SRFBP1: variants seen among roughly 807,000 people sequenced by gnomAD.
SRFBP1 encodes serum response factor-binding protein 1.
A neutral mutation model predicts 45.5 loss-of-function variants in SRFBP1; 47 were observed. The observed-to-expected ratio is 1.03, with a 90% CI of 0.82 to 1.32. The LOEUF (loss-of-function observed/expected upper bound fraction) is 1.32. Among genes scored for constraint, SRFBP1 ranks in the 40% most tolerant of loss-of-function variants. The pLI, the probability that SRFBP1 is intolerant of heterozygous loss-of-function variation, is 0.00. For synonymous variants in SRFBP1, 203 were observed against 166.3 expected (o/e 1.22, Z -1.70); for missense variants, 621 against 484.6 (o/e 1.28, Z -2.64).
At chr5:121,995,160 G>A (rs7722911) in intron 4 of SRFBP1, among the ~76,000 whole-genome samples, 103,868 of 150,676 alleles carry the variant, frequency 0.69, 39,003 homozygotes, top group East Asian at 0.89. Context: ...TGCACCAAGC[G>A]GACCTAATAG....
chr5:122,024,599 A>G (rs774402984), intron 7 of SRFBP1, among the ~76,000 whole-genome samples: 9 of 152,206 alleles, frequency 5.9e-5, no homozygotes, highest in Non-Finnish European at 1.2e-4. Context: ...TTTATTGGCC[A>G]TAACTCAATT....
At chr5:122,074,417 A>G (rs1304802000) in intron 2 of SRFBP1, among the ~76,000 whole-genome samples, 2 of 152,102 alleles carry the variant, frequency 1.3e-5, no homozygotes, top group East Asian at 1.9e-4. Flanking sequence ...TTCTTATTGT[A>G]CCCCATTTTG....
At chr5:121,963,527 C>A (rs940580585) in intron 1 of SRFBP1, among the ~76,000 whole-genome samples, 1 of 152,108 alleles carries the variant, frequency 6.6e-6, no homozygotes, top group Non-Finnish European at 1.5e-5. Flanking sequence ...AGACTCTTTT[C>A]ACACTTAGCT....
At chr5:122,041,022 C>G (rs1017089806) in intron 2 of SRFBP1, among the ~76,000 whole-genome samples, 3 of 152,128 alleles carry the variant, frequency 2.0e-5, no homozygotes, top group South Asian at 4.1e-4. Flanking sequence ...CAATTTTGAA[C>G]AGTGGTTGAT....
intron 2 of SRFBP1, among the ~76,000 whole-genome samples, chr5:122,050,259 A>G (rs1753946354): frequency 1.3e-5 from 2 of 152,296 alleles, no homozygotes; most frequent in Non-Finnish European, 2.9e-5. Context: ...TTAGCCTCAT[A>G]TAATGAGCTG....
chr5:122,025,071 A>G (rs1485545717), intron 7 of SRFBP1, among the ~76,000 whole-genome samples: 5 of 152,020 alleles, frequency 3.3e-5, no homozygotes, highest in African/African-American at 4.8e-5. Flanking sequence ...TTAACTCGTC[A>G]TTTACCATTA....
chr5:122,046,796 A>G (rs1467840323), intron 2 of SRFBP1, among the ~76,000 whole-genome samples: 4 of 152,224 alleles, frequency 2.6e-5, no homozygotes, highest in Non-Finnish European at 5.9e-5. Context: ...TCTGATGGCC[A>G]GTGATGATGA....
chr5:122,076,887 C>T (rs41478244), downstream of SRFBP1: 1,705 of 1,613,832 alleles, frequency 1.1e-3, 6 homozygotes, highest in African/African-American at 0.012. Context: ...ACATATCAGC[C>T]CGTACCTGGC....
chr5:121,988,480 G>A (rs1015890687), intron 3 of SRFBP1, among the ~76,000 whole-genome samples: 5 of 152,116 alleles, frequency 3.3e-5, no homozygotes, highest in African/African-American at 1.2e-4. Flanking sequence ...GGAAAAAATA[G>A]GCATAATTCT....
intron 4 of SRFBP1, among the ~76,000 whole-genome samples, chr5:122,010,525 C>A (rs1294084602): frequency 1.3e-5 from 2 of 152,074 alleles, no homozygotes; most frequent in Admixed American, 6.6e-5. Context: ...ACTTTTCATG[C>A]AGAAAAGAAA....
chr5:122,059,946 C>G (rs1754145156), intron 2 of SRFBP1, among the ~76,000 whole-genome samples: 1 of 152,080 alleles, frequency 6.6e-6, no homozygotes, highest in Admixed American at 6.6e-5. Context: ...CTCTCTTGCT[C>G]TTATTCTTTT....
intron 1 of SRFBP1, among the ~76,000 whole-genome samples, chr5:121,966,793 T>A (rs1752079388): frequency 6.6e-6 from 1 of 151,492 alleles, no homozygotes; most frequent in South Asian, 2.1e-4. Context: ...TTTATTTTTT[T>A]TTTTGAGACG....
chr5:122,015,674 G>T (rs901021922), intron 4 of SRFBP1, among the ~76,000 whole-genome samples: 6 of 152,222 alleles, frequency 3.9e-5, no homozygotes, highest in Non-Finnish European at 8.8e-5. Context: ...CCATGGGCCA[G>T]TTTGCCAATT....
At chr5:121,977,596 A>G (rs919989863) in intron 3 of SRFBP1, among the ~76,000 whole-genome samples, 1 of 152,156 alleles carries the variant, frequency 6.6e-6, no homozygotes, top group Non-Finnish European at 1.5e-5. Context: ...AATGATGACA[A>G]AACAAACTCT....
At chr5:122,049,836 G>A (rs891642974) in intron 2 of SRFBP1, among the ~76,000 whole-genome samples, 4 of 152,032 alleles carry the variant, frequency 2.6e-5, no homozygotes, top group African/African-American at 9.7e-5. Context: ...ATGAGAACAA[G>A]GACACAACAT....
chr5:121,975,630 T>C (rs1024601386), intron 3 of SRFBP1, among the ~76,000 whole-genome samples: 9 of 152,030 alleles, frequency 5.9e-5, no homozygotes, highest in African/African-American at 2.2e-4. Context: ...TGTGCCAAAC[T>C]AAATTCATCT....
rs1753534484 is a variant in SRFBP1, at chr5:122,028,467, CG to C, written c.*1342del. ...CTAAAAATACAGAAAATTATCCAGG[CG>C]TGGTGGCCGGCATCTGTAATTCCAG... On this transcript the variant is annotated 3_prime_UTR_variant, in exon 8 of 8. Coordinates refer to ENST00000339397, the MANE Select transcript of SRFBP1 (RefSeq NM_152546.3). The C allele has an allele frequency of 1.3e-5, 2 of 152,014 alleles. No individual in the cohort carries two copies. Among genetic ancestry groups the C allele is most frequent in the Non-Finnish European group, 2.9e-5 (2 of 68,040 alleles). 9.4% of individuals were successfully genotyped at this position (152,014 alleles called of 1,614,324 possible).
At chr5:122,001,662 C>T (rs1013156186) in intron 4 of SRFBP1, among the ~76,000 whole-genome samples, 10 of 149,946 alleles carry the variant, frequency 6.7e-5, no homozygotes, top group Non-Finnish European at 1.3e-4. Context: ...CCCGGGTTCA[C>T]GCCATTCTCC....
chr5:121,990,464 A>C (rs981408572), intron 3 of SRFBP1, among the ~76,000 whole-genome samples: 1 of 152,166 alleles, frequency 6.6e-6, no homozygotes, highest in Non-Finnish European at 1.5e-5. Context: ...AAAAAATTCC[A>C]ATGGGGTACT....
Sources: allele counts gnomAD v4.1 joint callset (sites outside exome capture counted in the v4.1 genomes callset), GRCh38; gene constraint gnomAD v4.1.1; transcripts MANE v1.5; gene names NCBI Gene and HGNC (gene_info 2026-07-23, HGNC 2026-07-21).